RASSF2: variants seen among roughly 807,000 people sequenced by gnomAD.
RASSF2 encodes the protein Ras association domain family member 2, also known as ras association domain-containing protein 2.
In RASSF2, 34 loss-of-function variants were observed where a neutral mutation model predicts 46.3. That is an observed-to-expected ratio of 0.73 (90% CI 0.56 to 0.98). RASSF2 has a LOEUF of 0.98. Among genes scored for constraint, RASSF2 ranks in the 50% least tolerant of loss-of-function variants. RASSF2 has a pLI of 0.00. For missense variants in RASSF2, 364 were observed against 431.2 expected, an observed-to-expected ratio of 0.84 and a Z score of 1.38; for synonymous variants, 158 against 162.5, an observed-to-expected ratio of 0.97 and a Z score of 0.21.
In RASSF2 at chr20:4,790,436, C is replaced by G. The variant is rs1925769679; in HGVS notation, c.537+15G>C. On this transcript the variant is annotated intron_variant, in intron 7 of 11. Transcript: ENST00000379400. This position sits in a 1 kb window ranked among gnomAD's most constrained non-coding sequence, Gnocchi z 4.3. ...AAGAGGTCTTCCACCCTCCCCGTCC[C>G]CCTGTCCACCTTACCTTATGGTTGT... The G allele has an allele frequency of 4.1e-6, 6 of 1,446,396 alleles. No individual in the cohort carries two copies. Among genetic ancestry groups the G allele is most frequent in the Non-Finnish European group, 5.5e-6 (6 of 1,098,336 alleles). The allele number at this position is 1,446,396 out of a possible 1,614,324, so 89.6% of individuals were successfully genotyped here.
In RASSF2 at chr20:4,780,403, C is replaced by CTTCAACACTTAAAACACAAGGGGT. The variant is rs1924688767; in HGVS notation, c.*3869_*3870insACCCCTTGTGTTTTAAGTGTTGAA. On this transcript the variant is annotated 3_prime_UTR_variant, in exon 12 of 12. Coordinates refer to ENST00000379400, the MANE Select transcript of RASSF2 (RefSeq NM_014737.3). ...TTAAATACAGTTAAAACACAAGGGG[C>CTTCAACACTTAAAACACAAGGGGT]GCTTCAACACCCCCCTTGTGATAGG... is the stretch of plus-strand genomic sequence containing the variant. The CTTCAACACTTAAAACACAAGGGGT allele has an allele frequency of 6.6e-6, 1 of 152,110 alleles. No homozygotes were observed. Among genetic ancestry groups the CTTCAACACTTAAAACACAAGGGGT allele is most frequent in the Non-Finnish European group, 1.5e-5 (1 of 68,024 alleles). 9.4% of individuals were successfully genotyped at this position (152,110 alleles called of 1,614,324 possible). A position where few individuals can be genotyped will look rare whatever the true frequency, so the allele number is the denominator to read the frequency against.
chr20:4,822,844 C>T (rs1465458410), intron 1 of RASSF2, among the ~76,000 whole-genome samples: 1 of 152,178 alleles, frequency 6.6e-6, no homozygotes, highest in African/African-American at 2.4e-5. Context: ...AAGACGGCGG[C>T]GGACTGGGGT....
chr20:4,814,133 G>A (rs1476470496), intron 2 of RASSF2, among the ~76,000 whole-genome samples: 1 of 152,138 alleles, frequency 6.6e-6, no homozygotes, highest in Non-Finnish European at 1.5e-5. Context: ...GAAGAGCAAG[G>A]TAAGCTTTCC....
intron 2 of RASSF2, among the ~76,000 whole-genome samples, chr20:4,814,658 C>A (rs562972584): frequency 1.3e-5 from 2 of 152,152 alleles, no homozygotes; most frequent in African/African-American, 4.8e-5. Context: ...GTGGTCGGGG[C>A]GGCAGTCATT....
intron 11 of RASSF2, among the ~76,000 whole-genome samples, chr20:4,784,592 C>CAAAAAA (rs71197728): frequency 2.2e-5 from 2 of 89,892 alleles, no homozygotes; most frequent in Non-Finnish European, 4.3e-5. Context: ...AACATCTAGC[C>CAAAAAA]AAAAAAAAAA....
chr20:4,818,948 G>GTCTTT (rs1000144710), intron 2 of RASSF2, among the ~76,000 whole-genome samples: 1 of 152,252 alleles, frequency 6.6e-6, no homozygotes, highest in East Asian at 1.9e-4. Context: ...TGGAAACTGA[G>GTCTTT]TCTTTTCTTT....
At position 4,786,658 on chromosome 20, in the gene RASSF2, C is replaced by A. The variant is rs778638572; in HGVS notation, c.814-330G>T. Among the ~76,000 whole-genome samples, 16 of 152,162 alleles carry A rather than the reference C, an allele frequency of 1.1e-4. 1 individual carries two copies. Among genetic ancestry groups the A allele is most frequent in the African/African-American group, 1.7e-4 (7 of 41,444 alleles). ...AACTGAACCCATTATGTTTAATAAACCCCTTTGTTCTCCCCTAAGAGAATG... is the reference window on the plus strand; with the variant it reads ...AACTGAACCCATTATGTTTAATAAAACCCTTTGTTCTCCCCTAAGAGAATG... On this transcript the variant is annotated intron_variant, in intron 10 of 11. Coordinates refer to ENST00000379400, the MANE Select transcript of RASSF2 (RefSeq NM_014737.3).
intron 5 of RASSF2, 93 bp from the exon 6 acceptor site, chr20:4,792,720 G>C: frequency 2.0e-6 from 3 of 1,497,532 alleles, no homozygotes; most frequent in Non-Finnish European, 2.7e-6. Flanking sequence ...TCCTGAAAGG[G>C]GAGCACTTTG....
In RASSF2 at chr20:4,784,188, C is replaced by G. The variant is rs963166645; in HGVS notation, c.*85G>C. The G allele has an allele frequency of 1.4e-6, 2 of 1,382,200 alleles. No homozygotes were observed. The highest frequency in any genetic ancestry group is 2.9e-5 in the African/African-American group (2 of 70,034). 85.6% of individuals were successfully genotyped at this position (1,382,200 alleles called of 1,614,324 possible). ...TGGGGAGGTTTGTGTCTAAATGTTT[C>G]CATGGAAAGAAAGTGCCTAGCTTCC... On this transcript the variant is annotated 3_prime_UTR_variant, in exon 12 of 12. Transcript: ENST00000379400.
At chr20:4,788,109 G>C in intron 9 of RASSF2, 108 bp downstream of exon 9, 1 of 1,120,066 alleles carries the variant, frequency 8.9e-7, no homozygotes, top group Middle Eastern at 2.0e-4. Context: ...ACAACATTTG[G>C]AAGTTTCCAA....
rs867834303 is a variant in RASSF2 at position 4,787,849 on chromosome 20, G to T, written c.692-95C>A. On this transcript the variant is annotated intron_variant, in intron 9 of 11. Coordinates refer to ENST00000379400, the MANE Select transcript of RASSF2 (RefSeq NM_014737.3). ...GTCCAAAGGCACCTTAGGAGATGCC[G>T]CCATATACGTCAGGAGACTGATTTA... The T allele has an allele frequency of 8.3e-6, 12 of 1,446,326 alleles. No individual in the cohort carries two copies. In the African/African-American group the frequency reaches 1.4e-4, roughly 17 times the overall value. 89.6% of individuals were successfully genotyped at this position (1,446,326 alleles called of 1,614,324 possible). A position where few individuals can be genotyped will look rare whatever the true frequency, so the allele number is the denominator to read the frequency against.
At chr20:4,808,775 T>G (rs1394393024) in intron 2 of RASSF2, among the ~76,000 whole-genome samples, 2 of 152,192 alleles carry the variant, frequency 1.3e-5, no homozygotes, top group African/African-American at 4.8e-5. Context: ...GTGAGCTATC[T>G]CTCAAAAATC....
intron 2 of RASSF2, among the ~76,000 whole-genome samples, chr20:4,820,322 T>G (rs578248180): frequency 6.6e-6 from 1 of 152,156 alleles, no homozygotes; most frequent in East Asian, 1.9e-4. Context: ...CTGGATAACA[T>G]AGCGAGACTT....
intron 2 of RASSF2, among the ~76,000 whole-genome samples, chr20:4,801,314 C>T (rs1348896401): frequency 1.3e-5 from 2 of 152,182 alleles, no homozygotes; most frequent in African/African-American, 4.8e-5. Context: ...AGCACAAATG[C>T]CCCAGCCACA....
chr20:4,818,237 A>C (rs1237917870), intron 2 of RASSF2, among the ~76,000 whole-genome samples: 1 of 152,026 alleles, frequency 6.6e-6, no homozygotes, highest in African/African-American at 2.4e-5. Flanking sequence ...ACTGCATTCC[A>C]GCCTAGGCAA....
intron 11 of RASSF2, among the ~76,000 whole-genome samples, chr20:4,785,100 A>C (rs1353467074): frequency 6.7e-6 from 1 of 148,394 alleles, no homozygotes; most frequent in African/African-American, 2.5e-5. Context: ...ACTTGAGGTC[A>C]GGAGTTCAAG....
At chr20:4,804,494 C>T (rs1927175986) in intron 2 of RASSF2, among the ~76,000 whole-genome samples, 1 of 151,744 alleles carries the variant, frequency 6.6e-6, no homozygotes, top group South Asian at 2.1e-4. Flanking sequence ...TGTGCCACCA[C>T]GCTCAGCTAA....
chr20:4,798,588 G>A (rs1926575398), intron 3 of RASSF2, among the ~76,000 whole-genome samples: 1 of 152,074 alleles, frequency 6.6e-6, no homozygotes. Context: ...ACTTTGGGAG[G>A]CCAAGACCAG....
chr20:4,797,519 TG>T (rs1439763585), intron 4 of RASSF2, among the ~76,000 whole-genome samples: 15 of 152,100 alleles, frequency 9.9e-5, no homozygotes, highest in Non-Finnish European at 5.9e-5. Flanking sequence ...GGGAATCAGA[TG>T]AGTAACAAAA....
Sources: allele counts gnomAD v4.1 joint callset (sites outside exome capture counted in the v4.1 genomes callset), GRCh38; gene constraint gnomAD v4.1.1; non-coding constraint Gnocchi (gnomAD v3.1); transcripts MANE v1.5; gene names NCBI Gene and HGNC (gene_info 2026-07-23, HGNC 2026-07-21).